Variants in SFSWAP observed in about 807,000 individuals in gnomAD.
The protein encoded by SFSWAP is splicing factor, suppressor of white-apricot homolog.
A neutral mutation model predicts 100.7 loss-of-function variants in SFSWAP; 17 were observed. The ratio of observed to expected loss-of-function variants is 0.17; its 90% CI spans 0.12 to 0.25. The LOEUF is 0.25. Ranked by LOEUF, SFSWAP falls within the 10% of genes least tolerant of loss-of-function variation. The probability of loss-of-function intolerance (pLI) is 1.00; values close to 1 mark genes in which losing one functional copy is unlikely to be tolerated. For synonymous variants in SFSWAP, 504 were observed against 510.1 expected (o/e 0.99, Z 0.16); for missense variants, 1,005 against 1,262.6 (o/e 0.80, Z 3.09).
chr12:131,789,173 G>C (rs961109597), intron 15 of SFSWAP, among the ~76,000 whole-genome samples: 1 of 151,998 alleles, frequency 6.6e-6, no homozygotes, highest in Non-Finnish European at 1.5e-5. Flanking sequence ...GTAGAGACAG[G>C]GTTTTGCCAT....
In SFSWAP at chr12:131,714,226, A is replaced by C; in HGVS notation, c.374A>C (p.Glu125Ala). 1 of 1,612,956 alleles carries C rather than the reference A, an allele frequency of 6.2e-7. No individual in the cohort carries two copies. The highest frequency in any genetic ancestry group is 2.2e-5 in the East Asian group (1 of 44,870). Residue 125 changes from glutamate (E) to alanine (A), a missense_variant, in exon 2 of 18, where the codon GAG becomes GCG. Glu to Ala is a moderately radical substitution (Grantham distance 107). This residue lies in a region of SFSWAP where 237 missense variants were observed against 337.0 expected (regional missense o/e 0.70). Coordinates refer to ENST00000261674, the MANE Select transcript of SFSWAP (RefSeq NM_004592.4). This position sits in a 1 kb window ranked among gnomAD's most constrained non-coding sequence, Gnocchi z 6.0. Reference protein sequence around the residue: ...YLALHTDLLEEEARQEEEYKR... With the variant: ...YLALHTDLLEAEARQEEEYKR... Reference sequence around the variant, plus strand: ...GCCTTGCATACGGACTTGCTTGAGGAGGAGGCAAGGCAAGGTACTGCTCAA... The same window carrying C: ...GCCTTGCATACGGACTTGCTTGAGGCGGAGGCAAGGCAAGGTACTGCTCAA...
At chr12:131,740,074 G>A (rs1035240559) in intron 7 of SFSWAP, among the ~76,000 whole-genome samples, 1 of 152,086 alleles carries the variant, frequency 6.6e-6, no homozygotes, top group African/African-American at 2.4e-5. Flanking sequence ...GTAATGCTGT[G>A]GGCCTCTCAG....
At chr12:131,795,620 G>A (rs896902433) in intron 15 of SFSWAP, among the ~76,000 whole-genome samples, 2 of 151,998 alleles carry the variant, frequency 1.3e-5, no homozygotes, top group Non-Finnish European at 2.9e-5. Context: ...CATGAAGTCC[G>A]GAGGCCCTGA....
Position 131,714,961 on chromosome 12 carries a change from G to A in SFSWAP, c.520+8G>A. ...AGCCTTCCAAACAGAGAGGTGAGTG[G>A]GGAGCTGCCTGGACTGCTGGTGTAG... On this transcript the variant is annotated splice_region_variant and intron_variant, in intron 3 of 17. Coordinates refer to ENST00000261674, the MANE Select transcript of SFSWAP (RefSeq NM_004592.4). This position sits in a 1 kb window ranked among gnomAD's most constrained non-coding sequence, Gnocchi z 6.0. 6.2e-7 allele frequency: 1 copy of A among 1,613,728 alleles called. No homozygotes were observed. The highest frequency in any genetic ancestry group is 8.5e-7 in the Non-Finnish European group (1 of 1,179,968).
chr12:131,724,940 GT>G (rs1205391241), intron 4 of SFSWAP, among the ~76,000 whole-genome samples: 1 of 152,206 alleles, frequency 6.6e-6, no homozygotes, highest in Non-Finnish European at 1.5e-5. Context: ...CAGAAGGGCT[GT>G]TTTGTAAGAG....
chr12:131,711,418 G>C lies in SFSWAP; in HGVS notation c.189G>C (p.Trp63Cys). 1 of 1,613,666 alleles carries C rather than the reference G, an allele frequency of 6.2e-7. No homozygotes were observed. The highest frequency in any genetic ancestry group is 8.5e-7 in the Non-Finnish European group (1 of 1,180,012). ...AACAGGGACAGCACCTCATCCCCTG[G>C]ATGGGGGACCACAAGATCCTCATCG... is the stretch of plus-strand genomic sequence containing the variant. Reference protein sequence around the residue: ...AQEQGQHLIPWMGDHKILIDR... With the variant: ...AQEQGQHLIPCMGDHKILIDR... Residue 63 changes from tryptophan to cysteine, a missense_variant, in exon 1 of 18, where the codon TGG becomes TGC. By Grantham distance (215) the Trp-to-Cys change is radical. Transcript: ENST00000261674. The surrounding 1 kb of genome is among the most constrained non-coding windows in gnomAD (Gnocchi z 4.9).
chr12:131,798,681 G>A (rs1280913313), intron 16 of SFSWAP, among the ~76,000 whole-genome samples: 2 of 152,208 alleles, frequency 1.3e-5, no homozygotes, highest in Non-Finnish European at 2.9e-5. Context: ...CCTGAGGTCA[G>A]GAGTTCGAGA....
intron 7 of SFSWAP, among the ~76,000 whole-genome samples, chr12:131,747,614 A>T (rs956516141): frequency 6.6e-6 from 1 of 152,120 alleles, no homozygotes; most frequent in Non-Finnish European, 1.5e-5. Context: ...GGCTGTACAC[A>T]TGGAGGGCAG....
At chr12:131,748,898 C>T (rs911704233) in intron 7 of SFSWAP, among the ~76,000 whole-genome samples, 11 of 152,172 alleles carry the variant, frequency 7.2e-5, no homozygotes, top group South Asian at 2.1e-4. Context: ...AGTAACATTA[C>T]GTCAGCATTT....
intron 11 of SFSWAP, chr12:131,757,205 C>T (rs184508614): frequency 1.8e-3 from 276 of 153,016 alleles, no homozygotes; most frequent in Non-Finnish European, 3.0e-3. Context: ...GGGCTCCCCC[C>T]GCGGGAGGGA....
At chr12:131,719,075 A>G (rs978138297) in intron 3 of SFSWAP, among the ~76,000 whole-genome samples, 3 of 152,192 alleles carry the variant, frequency 2.0e-5, no homozygotes, top group Non-Finnish European at 2.9e-5. Context: ...ACCCGCATAT[A>G]TGGAGGGTCA....
intron 7 of SFSWAP, among the ~76,000 whole-genome samples, chr12:131,736,968 G>A (rs943103610): frequency 2.0e-5 from 3 of 152,078 alleles, no homozygotes; most frequent in Non-Finnish European, 2.9e-5. Context: ...TAAAACACAC[G>A]TGCCTCCAAC....
At chr12:131,762,560 A>G (rs1882763769) in intron 11 of SFSWAP, among the ~76,000 whole-genome samples, 1 of 152,134 alleles carries the variant, frequency 6.6e-6, no homozygotes, top group Non-Finnish European at 1.5e-5. Context: ...ATTTTGTGAT[A>G]TATTTTAGTC....
At chr12:131,712,015 G>C (rs1877408389) in intron 1 of SFSWAP, 1 of 152,546 alleles carries the variant, frequency 6.6e-6, no homozygotes, top group Non-Finnish European at 1.5e-5. Context: ...CCGGCATGAC[G>C]TTTGATTTCC....
At chr12:131,721,531 CTATT>C (rs995068515) in intron 4 of SFSWAP, among the ~76,000 whole-genome samples, 1 of 152,188 alleles carries the variant, frequency 6.6e-6, no homozygotes, top group Non-Finnish European at 1.5e-5. Context: ...TGCTCCATCT[CTATT>C]TAATGCTAAA....
At position 131,786,473 on chromosome 12, in the gene SFSWAP, C is replaced by A; in HGVS notation, c.2419C>A (p.Arg807=). 6.3e-7 allele frequency: 1 copy of A among 1,586,694 alleles called. No individual in the cohort carries two copies. Among genetic ancestry groups the A allele is most frequent in the East Asian group, 2.3e-5 (1 of 43,712 alleles). The change falls in exon 15 of 18, where the codon CGG becomes AGG. Residue 807 remains arginine, a synonymous_variant. Transcript: ENST00000261674. ...RTVRRSRSRS[R]SPRRRAHSPE... ...TCCTCCCCTGTCCAGGTCCCGCTCC[C>A]GGTCCCCTCGGAGGAGAGCCCACTC...
Position 131,714,556 on chromosome 12 carries a change from T to G in SFSWAP, c.389-266T>G, listed in dbSNP as rs1877700975. 5.9e-6 allele frequency: 3 copies of G among 509,934 alleles called. No individual in the cohort carries two copies. Among genetic ancestry groups the G allele is most frequent in the Non-Finnish European group, 1.0e-5 (3 of 286,208 alleles). 31.6% of individuals were successfully genotyped at this position (509,934 alleles called of 1,614,324 possible). A position where few individuals can be genotyped will look rare whatever the true frequency, so the allele number is the denominator to read the frequency against. On this transcript the variant is annotated intron_variant, in intron 2 of 17. Coordinates refer to ENST00000261674, the MANE Select transcript of SFSWAP (RefSeq NM_004592.4). This position sits in a 1 kb window ranked among gnomAD's most constrained non-coding sequence, Gnocchi z 6.0. ...GTTCTTGTCTTTGCCGTAACAGTCTTTAATACAGTTCTTAATCCCAAAATT... is the reference window on the plus strand; with the variant it reads ...GTTCTTGTCTTTGCCGTAACAGTCTGTAATACAGTTCTTAATCCCAAAATT...
intron 7 of SFSWAP, among the ~76,000 whole-genome samples, chr12:131,738,984 ATCC>A (rs1191194846): frequency 1.7e-5 from 1 of 60,534 alleles, no homozygotes; most frequent in Non-Finnish European, 3.4e-5. Flanking sequence ...ACCTCAAGCT[ATCC>A]TCCCACCTCA....
In SFSWAP at chr12:131,733,650, C is replaced by G. The variant is rs1174249533; in HGVS notation, c.1081+5222C>G. On this transcript the variant is annotated intron_variant, in intron 7 of 17. Transcript: ENST00000261674. This position sits in a 1 kb window ranked among gnomAD's most constrained non-coding sequence, Gnocchi z 5.1. ...TTCCTGGAGAGAGAAGGAGGCCTGT[C>G]ACAGCATCTGTGACAGCCCGGAAGG... 6.6e-6 allele frequency among the ~76,000 whole-genome samples: 1 copy of G among 151,988 alleles called. No homozygotes were observed. The highest frequency in any genetic ancestry group is 1.5e-5 in the Non-Finnish European group (1 of 67,966).
Sources: gnomAD v4.1 joint callset for allele counts (sites outside exome capture counted in the v4.1 genomes callset) on GRCh38, gnomAD v4.1.1 for gene constraint, gnomAD v4.1.1 regional missense constraint, Gnocchi (gnomAD v3.1) non-coding constraint, MANE v1.5 for transcripts, NCBI Gene and HGNC (gene_info 2026-07-23, HGNC 2026-07-21) for gene names.